The following ARFIP1 variants were observed in gnomAD, a reference collection of about 807,000 sequenced individuals.
ARFIP1 encodes the protein arfaptin-1.
A neutral mutation model predicts 42.5 loss-of-function variants in ARFIP1; 24 were observed. The observed-to-expected ratio is 0.57, with a 90% CI of 0.41 to 0.80. The LOEUF is 0.80. ARFIP1 is among the 30% of genes least tolerant of loss of function. ARFIP1 has a pLI of 0.00. For missense variants in ARFIP1, 354 were observed against 434.0 expected (o/e 0.82, Z 1.64); for synonymous variants, 141 against 153.7 (o/e 0.92, Z 0.61).
At chr4:152,838,228 T>C (rs1731805098) in intron 2 of ARFIP1, among the ~76,000 whole-genome samples, 1 of 152,214 alleles carries the variant, frequency 6.6e-6, no homozygotes, top group Admixed American at 6.5e-5. Flanking sequence ...ATGTGTTGTT[T>C]TTGTTTAGTC....
chr4:152,845,133 G>A (rs1732429796), intron 2 of ARFIP1, among the ~76,000 whole-genome samples: 1 of 152,166 alleles, frequency 6.6e-6, no homozygotes, highest in African/African-American at 2.4e-5. Flanking sequence ...TCAATAAATG[G>A]TGATGGAATA....
chr4:152,888,361 A>C, intron 8 of ARFIP1, 54 bp downstream of exon 8: 6 of 1,259,860 alleles, frequency 4.8e-6, no homozygotes, highest in Non-Finnish European at 6.4e-6. Flanking sequence ...CACCCTAAAG[A>C]GAGATAGTCA....
chr4:152,843,644 C>CT (rs1732288680), intron 2 of ARFIP1, among the ~76,000 whole-genome samples: 1 of 152,074 alleles, frequency 6.6e-6, no homozygotes, highest in African/African-American at 2.4e-5. Context: ...AGTTGTGTAC[C>CT]TAGGAGGATT....
chr4:152,844,075 C>T (rs149142519), intron 2 of ARFIP1, among the ~76,000 whole-genome samples: 2,321 of 152,302 alleles, frequency 0.015, 30 homozygotes, highest in South Asian at 0.045. Context: ...GGGGACCCAG[C>T]GAGCTCCCAG....
At chr4:152,834,777 C>T (rs1286421550) in intron 2 of ARFIP1, among the ~76,000 whole-genome samples, 1 of 152,192 alleles carries the variant, frequency 6.6e-6, no homozygotes, top group East Asian at 1.9e-4. Context: ...GGTGGTGGCT[C>T]CCTTCCCACA....
intron 1 of ARFIP1, among the ~76,000 whole-genome samples, chr4:152,792,821 G>A (rs562979614): frequency 5.9e-5 from 9 of 152,284 alleles, no homozygotes; most frequent in Non-Finnish European, 1.2e-4. Flanking sequence ...ATATAAAAAT[G>A]TGATTTTTAT....
intron 2 of ARFIP1, among the ~76,000 whole-genome samples, chr4:152,862,233 A>C (rs943866444): frequency 1.3e-5 from 2 of 152,068 alleles, no homozygotes; most frequent in Non-Finnish European, 2.9e-5. Context: ...AACCCTTCCT[A>C]ACCCTATTCC....
chr4:152,789,907 C>T (rs1731050535), intron 1 of ARFIP1, among the ~76,000 whole-genome samples: 1 of 152,120 alleles, frequency 6.6e-6, no homozygotes, highest in African/African-American at 2.4e-5. Context: ...TGTGTATTAC[C>T]TACCACAGGC....
chr4:152,908,390 C>T (rs1738546646), intron 8 of ARFIP1, among the ~76,000 whole-genome samples: 2 of 152,128 alleles, frequency 1.3e-5, no homozygotes, highest in Admixed American at 1.3e-4. Flanking sequence ...CTTTGGGAGG[C>T]CAAGGCGGGC....
At chr4:152,836,343 G>A (rs904907630) in intron 2 of ARFIP1, among the ~76,000 whole-genome samples, 16 of 152,180 alleles carry the variant, frequency 1.1e-4, no homozygotes, top group African/African-American at 3.9e-4. Flanking sequence ...CAGTTTGATT[G>A]GTAATCCTTT....
At chr4:152,850,860 G>C (rs1327366845) in intron 2 of ARFIP1, 1 of 152,232 alleles carries the variant, frequency 6.6e-6, no homozygotes, top group Non-Finnish European at 1.5e-5. Flanking sequence ...TAATTGTGGA[G>C]AAGCAGAGAG....
At chr4:152,849,795 T>C (rs1000808207) in intron 2 of ARFIP1, among the ~76,000 whole-genome samples, 2 of 152,186 alleles carry the variant, frequency 1.3e-5, no homozygotes, top group African/African-American at 2.4e-5. Flanking sequence ...ATTAAACTTA[T>C]TTAAAGTGAG....
At chr4:152,821,907 A>G (rs1418814524) in intron 1 of ARFIP1, among the ~76,000 whole-genome samples, 5 of 152,264 alleles carry the variant, frequency 3.3e-5, no homozygotes, top group Admixed American at 2.6e-4. Context: ...TCTCAAGACA[A>G]GCAAATGCCA....
At position 152,882,819 on chromosome 4, in the gene ARFIP1, AC is replaced by A; in HGVS notation, c.731del (p.Thr244IlefsTer3). The A allele has an allele frequency of 6.2e-7, 1 of 1,611,764 alleles. No individual in the cohort carries two copies. ...TAATTTTTTCATTGCTAGTGTGAAC[AC>A]TTTGGTGAATAAAACCATTGAAGAT... Reference protein sequence around the residue: ...AINFFIASVNTLVNKTIEDTL... With the variant: ...AINFFIASVNXLVNKTIEDTL... On this transcript the variant is annotated frameshift_variant, in exon 7 of 9. Coordinates refer to ENST00000353617, the MANE Select transcript of ARFIP1 (RefSeq NM_001025595.3). LOFTEE classifies it high-confidence loss of function.
intron 1 of ARFIP1, among the ~76,000 whole-genome samples, chr4:152,800,620 T>C (rs1279806373): frequency 6.6e-6 from 1 of 152,182 alleles, no homozygotes; most frequent in African/African-American, 2.4e-5. Context: ...ATCCTGAGAT[T>C]GTAGTCTTAA....
At chr4:152,887,861 A>G (rs911214690) in intron 7 of ARFIP1, among the ~76,000 whole-genome samples, 1 of 151,816 alleles carries the variant, frequency 6.6e-6, no homozygotes, top group African/African-American at 2.4e-5. Context: ...TATTTTTTTT[A>G]ACTGGTTTTT....
At chr4:152,786,888 C>CTTTCA (rs1003742153) in intron 1 of ARFIP1, among the ~76,000 whole-genome samples, 17 of 152,206 alleles carry the variant, frequency 1.1e-4, no homozygotes, top group African/African-American at 4.1e-4. Context: ...TCTTTCTTTA[C>CTTTCA]TTTCATTTCA....
intron 2 of ARFIP1, among the ~76,000 whole-genome samples, chr4:152,832,331 A>G (rs555078042): frequency 2.6e-5 from 4 of 152,312 alleles, no homozygotes; most frequent in Admixed American, 6.5e-5. Context: ...CCTGATGACT[A>G]TGATGTTGAG....
intron 1 of ARFIP1, among the ~76,000 whole-genome samples, chr4:152,798,455 T>G (rs748344968): frequency 9.9e-5 from 15 of 152,210 alleles, no homozygotes; most frequent in Non-Finnish European, 1.8e-4. Context: ...GTGTTGAATT[T>G]TGTCACATAC....
Sources: gnomAD v4.1 joint callset for allele counts (sites outside exome capture counted in the v4.1 genomes callset) on GRCh38, gnomAD v4.1.1 for gene constraint, MANE v1.5 for transcripts, NCBI Gene and HGNC (gene_info 2026-07-23, HGNC 2026-07-21) for gene names.